IL10RA: variants seen among roughly 807,000 people sequenced by gnomAD.
IL10RA encodes the protein interleukin 10 receptor subunit alpha.
Under a neutral mutation model 29.6 loss-of-function variants are expected in IL10RA, and 18 were observed. The observed-to-expected ratio is 0.61, with a 90% CI of 0.42 to 0.90. The LOEUF (loss-of-function observed/expected upper bound fraction) is 0.90, where lower values mean the gene tolerates loss of function less well. IL10RA is among the 40% of genes least tolerant of loss of function. IL10RA has a pLI of 0.00. For missense variants in IL10RA, 634 were observed against 716.6 expected (o/e 0.88, Z 1.32); for synonymous variants, 292 against 294.1 (o/e 0.99, Z 0.07).
intron 3 of IL10RA, among the ~76,000 whole-genome samples, chr11:117,992,523 C>A (rs915667933): frequency 4.6e-5 from 7 of 152,168 alleles, no homozygotes; most frequent in Non-Finnish European, 8.8e-5. Flanking sequence ...GTCCTTTACC[C>A]ATTTTAAAAA....
At chr11:117,993,461 C>A (rs1367476548) in intron 4 of IL10RA, 51 bp downstream of exon 4, 1 of 1,527,536 alleles carries the variant, frequency 6.5e-7, no homozygotes, top group Non-Finnish European at 9.1e-7. Context: ...GCTTCCCTGT[C>A]CCCTGGGCTG....
rs1249233978 is a variant in IL10RA at position 117,986,532 on chromosome 11, A to T, written c.65A>T (p.His22Leu). 2 of 1,554,140 alleles carry T rather than the reference A, an allele frequency of 1.3e-6. No individual in the cohort carries two copies. Among genetic ancestry groups the T allele is most frequent in the African/African-American group, 1.4e-5 (1 of 73,274 alleles). ...AGCCTCCGTCTTGGCTCAGACGCTC[A>T]TGGTAAGGCTCCGGGACGCGGCCCT... ...LLSLRLGSDA[H>L]GTELPSPPSV... Residue 22 changes from histidine (H) to leucine (L), a missense_variant and splice_region_variant, in exon 1 of 7, where the codon CAT (histidine) becomes CTT (leucine). By Grantham distance (99) the His-to-Leu change is moderately conservative (BLOSUM62 -3). Transcript: ENST00000227752.
chr11:117,998,604 CT>C, intron 6 of IL10RA, 110 bp from the exon 7 acceptor site: 1 of 856,084 alleles, frequency 1.2e-6, no homozygotes. Flanking sequence ...GTAATTTAGA[CT>C]GTAGTCTCCT....
intron 5 of IL10RA, among the ~76,000 whole-genome samples, chr11:117,994,660 C>T (rs952740383): frequency 5.3e-5 from 8 of 152,180 alleles, no homozygotes; most frequent in Admixed American, 2.6e-4. Flanking sequence ...ACATGGAGGC[C>T]ACGGTCTTGC....
At position 117,986,512 on chromosome 11, in the gene IL10RA, C is replaced by G. The variant is rs1230361448; in HGVS notation, c.45C>G (p.Leu15=). The stretch of plus-strand genomic sequence containing the variant: ...TGCTGCTGGCGGCGCTCCTCAGCCT[C>G]CGTCTTGGCTCAGACGCTCATGGTA... ...LVVLLAALLS[L]RLGSDAHGTE... Residue 15 remains leucine (L), a synonymous_variant, in exon 1 of 7, where the codon CTC becomes CTG. Transcript: ENST00000227752. 2 of 1,555,972 alleles carry G rather than the reference C, an allele frequency of 1.3e-6. No homozygotes were observed. The highest frequency in any genetic ancestry group is 1.4e-5 in the African/African-American group (1 of 73,210).
In IL10RA at chr11:118,000,217, G is replaced by C. The variant is rs773690502; in HGVS notation, c.*576G>C. The C allele has an allele frequency of 2.4e-5, 11 of 454,188 alleles. No homozygotes were observed. The highest frequency in any genetic ancestry group is 1.7e-4 in the South Asian group (11 of 64,476). 28.1% of individuals were successfully genotyped at this position (454,188 alleles called of 1,614,324 possible). On this transcript the variant is annotated 3_prime_UTR_variant, in exon 7 of 7. Transcript: ENST00000227752. ...AAGCTTGTCACTGGAAGATCTTAAG[G>C]TATATATTTTCTGGACACTCAAACA... is the stretch of plus-strand genomic sequence containing the variant.
intron 3 of IL10RA, among the ~76,000 whole-genome samples, chr11:117,990,937 C>A (rs1048571073): frequency 6.6e-5 from 10 of 152,096 alleles, no homozygotes; most frequent in African/African-American, 2.4e-4. Flanking sequence ...TGGCTCACGG[C>A]TGTAATCCCA....
rs1416302570 is a variant in IL10RA at position 117,999,041 on chromosome 11, G to A, written c.1137G>A (p.Leu379=). Residue 379 remains leucine, a synonymous_variant, in exon 7 of 7, where the codon CTG becomes CTA. Transcript: ENST00000227752. ...DSGICLQEPS[L]SPSTGPTWEQ... Reference sequence around the variant, plus strand: ...GGATCTGCCTGCAGGAGCCCAGCCTGAGCCCCAGCACAGGGCCCACCTGGG... The same window carrying A: ...GGATCTGCCTGCAGGAGCCCAGCCTAAGCCCCAGCACAGGGCCCACCTGGG... 3.1e-6 allele frequency: 5 copies of A among 1,613,122 alleles called. No individual in the cohort carries two copies. Among genetic ancestry groups the A allele is most frequent in the South Asian group, 2.2e-5 (2 of 91,066 alleles).
chr11:117,992,973 G>A (rs1253074330), intron 3 of IL10RA: 2 of 486,770 alleles, frequency 4.1e-6, no homozygotes, highest in African/African-American at 3.9e-5. Context: ...GTGTGTTCTT[G>A]GCCCCTTTGT....
intron 2 of IL10RA, 28 bp downstream of exon 2, chr11:117,988,530 G>A: frequency 6.2e-7 from 1 of 1,612,586 alleles, no homozygotes; most frequent in African/African-American, 1.3e-5. Flanking sequence ...GGGAGGGGGA[G>A]GGAGGAGTGA....
Position 117,993,333 on chromosome 11 carries a change from A to G in IL10RA, c.460A>G (p.Asn154Asp). The change falls in exon 4 of 7, where the codon AAT becomes GAT. Residue 154 changes from asparagine to aspartate, a missense_variant. Transcript: ENST00000227752. ...QLPRPKMAPANDTYESIFSHF... is the reference protein window; with the variant it reads ...QLPRPKMAPADDTYESIFSHF... Reference sequence around the variant, plus strand: ...ACCCAGGCCCAAGATGGCCCCCGCAAATGACACATATGAAAGCATCTTCAG... The same window carrying G: ...ACCCAGGCCCAAGATGGCCCCCGCAGATGACACATATGAAAGCATCTTCAG... 1 of 1,614,026 alleles carries G rather than the reference A, an allele frequency of 6.2e-7. No homozygotes were observed. The highest frequency in any genetic ancestry group is 1.7e-5 in the Admixed American group (1 of 60,030).
At chr11:117,987,766 G>T (rs1435102567) in intron 1 of IL10RA, 1 of 175,034 alleles carries the variant, frequency 5.7e-6, no homozygotes, top group Non-Finnish European at 1.2e-5. Context: ...CCTCAGCCAT[G>T]TGTAGAGCCA....
At chr11:117,997,333 A>G (rs2058062938) in intron 6 of IL10RA, among the ~76,000 whole-genome samples, 1 of 152,232 alleles carries the variant, frequency 6.6e-6, no homozygotes, top group Non-Finnish European at 1.5e-5. Context: ...ACACATTACA[A>G]CATAAGGAGG....
intron 1 of IL10RA, chr11:117,987,940 C>T (rs1039282008): frequency 7.4e-6 from 2 of 271,622 alleles, no homozygotes; most frequent in African/African-American, 4.4e-5. Context: ...TGTCTGTGTA[C>T]TTAGTGAGGT....
chr11:117,986,397 C>T lies in IL10RA; in HGVS notation c.-71C>T. 6.9e-7 allele frequency: 1 copy of T among 1,442,114 alleles called. No homozygotes were observed. Among genetic ancestry groups the T allele is most frequent in the South Asian group, 1.2e-5 (1 of 81,702 alleles). The allele number at this position is 1,442,114 out of a possible 1,614,324, so 89.3% of individuals were successfully genotyped here. ...CGGAGCGGGCGGCGGAGCTGTCAGT[C>T]CCAGCCCAAGGGTAGCTGGAGGCGC... On this transcript the variant is annotated 5_prime_UTR_variant, in exon 1 of 7. Coordinates refer to ENST00000227752, the MANE Select transcript of IL10RA (RefSeq NM_001558.4).
In IL10RA at chr11:117,994,110, A is replaced by G. The variant is rs1468951229; in HGVS notation, c.649A>G (p.Met217Val). Residue 217 changes from methionine (M) to valine (V), a missense_variant, in exon 5 of 7, where the codon ATG (methionine) becomes GTG (valine). Met to Val is a conservative substitution (Grantham distance 21). Coordinates refer to ENST00000227752, the MANE Select transcript of IL10RA (RefSeq NM_001558.4). ...PSVASRSNKG[M>V]WSKEECISLT... is the part of the protein sequence containing the mutation. ...TGTCGCTTCCCGAAGTAACAAGGGG[A>G]TGTGGTCTAAAGAGGAGTGCATCTC... The G allele has an allele frequency of 6.2e-7, 1 of 1,613,968 alleles. No individual in the cohort carries two copies. The highest frequency in any genetic ancestry group is 1.7e-5 in the Admixed American group (1 of 59,994).
At chr11:117,987,467 G>A (rs4252245) in intron 1 of IL10RA, 1 of 155,902 alleles carries the variant, frequency 6.4e-6, no homozygotes, top group African/African-American at 2.4e-5. Flanking sequence ...AGAGAAGTTA[G>A]AACACTAGGG....
Position 117,993,250 on chromosome 11 carries a change from C to G in IL10RA, c.377C>G (p.Thr126Arg), listed in dbSNP as rs905474913. 1.9e-6 allele frequency: 3 copies of G among 1,614,010 alleles called. No homozygotes were observed. The highest frequency in any genetic ancestry group is 2.5e-6 in the Non-Finnish European group (3 of 1,179,930). ...TRFSVDEVTL[T>R]VGSVNLEIHN... ...CCCCAACTCCATTTAGTGACTCTGA[C>G]AGTTGGCAGTGTGAACCTAGAGATC... The change falls in exon 4 of 7, where the codon ACA becomes AGA. Residue 126 changes from threonine (T) to arginine (R), a missense_variant. Thr to Arg is a moderately conservative substitution (Grantham distance 71, BLOSUM62 -1). Transcript: ENST00000227752.
intron 2 of IL10RA, 77 bp downstream of exon 2, chr11:117,988,579 T>C: frequency 6.4e-7 from 1 of 1,558,300 alleles, no homozygotes; most frequent in Admixed American, 1.7e-5. Flanking sequence ...CATGGGAAGA[T>C]ACCTGCCTTG....
Sources: gnomAD v4.1 joint callset for allele counts (sites outside exome capture counted in the v4.1 genomes callset) on GRCh38, gnomAD v4.1.1 for gene constraint, MANE v1.5 for transcripts, NCBI Gene and HGNC (gene_info 2026-07-23, HGNC 2026-07-21) for gene names.